Variants in HTR2C observed in about 807,000 individuals in gnomAD.
The protein encoded by HTR2C is 5-hydroxytryptamine (serotonin) receptor 2C, G protein-coupled.
In HTR2C, 5 loss-of-function variants were observed where a neutral mutation model predicts 21.0. The ratio of observed to expected loss-of-function variants is 0.24; its 90% CI spans 0.12 to 0.50. The LOEUF (loss-of-function observed/expected upper bound fraction) is 0.50, where lower values mean the gene tolerates loss of function less well. Ranked by LOEUF, HTR2C falls within the 20% of genes least tolerant of loss-of-function variation. The probability of loss-of-function intolerance (pLI) is 0.98; values close to 1 mark genes in which losing one functional copy is unlikely to be tolerated. For synonymous variants in HTR2C, 150 were observed against 145.3 expected, an observed-to-expected ratio of 1.03 and a Z score of -0.23; for missense variants, 271 against 371.2, an observed-to-expected ratio of 0.73 and a Z score of 2.22.
At chrX:114,606,475 G>A (rs1324742937) in intron 1 of HTR2C, among the ~76,000 whole-genome samples, 5 of 111,602 alleles carry the variant, frequency 4.5e-5, no homozygotes, top group Admixed American at 9.5e-5. Context: ...TTCCCAGTCC[G>A]TGACCGGCGC....
Position 114,907,134 on chromosome X carries a change from C to T in HTR2C, c.1096C>T (p.Leu366=). Residue 366 remains leucine (L), a synonymous_variant, in exon 6 of 6, where the codon CTG becomes TTG. Transcript: ENST00000276198. ...IGYVCSGINP[L]VYTLFNKIYR... ...CTATGTTTGTTCAGGAATCAATCCT[C>T]TGGTGTATACTCTGTTCAACAAAAT... 1 of 1,211,093 alleles carries T rather than the reference C, an allele frequency of 8.3e-7. No individual in the cohort carries two copies.
At chrX:114,840,034 A>G (rs1229638600) in intron 4 of HTR2C, among the ~76,000 whole-genome samples, 3 of 111,415 alleles carry the variant, frequency 2.7e-5, no homozygotes, top group East Asian at 2.8e-4. Context: ...TACTCTTTGG[A>G]GCAAAAGAAC....
At chrX:114,675,621 G>A (rs1267277315) in intron 2 of HTR2C, among the ~76,000 whole-genome samples, 1 of 111,432 alleles carries the variant, frequency 9.0e-6, no homozygotes, top group Admixed American at 9.6e-5. Context: ...GGCACCTTTG[G>A]CATTTACATT....
At chrX:114,775,576 A>G in intron 4 of HTR2C, 1 of 495,853 alleles carries the variant, frequency 2.0e-6, no homozygotes, top group Non-Finnish European at 3.8e-6. Flanking sequence ...CAAGTTCAAT[A>G]CCAAAGGAAA....
chrX:114,829,586 T>C (rs782668099), intron 4 of HTR2C, among the ~76,000 whole-genome samples: 1 of 111,751 alleles, frequency 8.9e-6, no homozygotes, highest in Non-Finnish European at 1.9e-5. Flanking sequence ...TGTGTCCTTT[T>C]CTAAGTGTTT....
intron 1 of HTR2C, among the ~76,000 whole-genome samples, chrX:114,605,238 T>C (rs1277843456): frequency 1.8e-5 from 2 of 112,406 alleles, no homozygotes; most frequent in Non-Finnish European, 1.9e-5. Flanking sequence ...GGAGGGCTAG[T>C]CATGGAACGA....
chrX:114,807,304 A>G (rs111221079), intron 4 of HTR2C, among the ~76,000 whole-genome samples: 3 of 75,670 alleles, frequency 4.0e-5, no homozygotes, highest in South Asian at 7.5e-4. Context: ...TACCATGTAT[A>G]TACACCATAT....
chrX:114,713,082 G>A (rs1383332452), intron 2 of HTR2C, among the ~76,000 whole-genome samples: 1 of 111,242 alleles, frequency 9.0e-6, no homozygotes, highest in Non-Finnish European at 1.9e-5. Context: ...CTCATTTGTA[G>A]TTATAAATTA....
intron 4 of HTR2C, among the ~76,000 whole-genome samples, chrX:114,809,980 T>C (rs1361336056): frequency 8.9e-6 from 1 of 111,733 alleles, no homozygotes; most frequent in Non-Finnish European, 1.9e-5. Context: ...AAAGGTTCTT[T>C]AGTCAGGAGG....
chrX:114,643,919 T>C (rs1930230627), intron 2 of HTR2C, among the ~76,000 whole-genome samples: 2 of 111,697 alleles, frequency 1.8e-5, no homozygotes, highest in Admixed American at 9.5e-5. Flanking sequence ...TCACTATAAA[T>C]GTGAATTCTA....
chrX:114,650,102 A>G (rs1300711140), intron 2 of HTR2C, among the ~76,000 whole-genome samples: 4 of 112,062 alleles, frequency 3.6e-5, no homozygotes, highest in Non-Finnish European at 7.5e-5. Flanking sequence ...CACAAAGTGG[A>G]TAGCATAAAT....
intron 4 of HTR2C, among the ~76,000 whole-genome samples, chrX:114,806,103 A>T (rs1425795648): frequency 2.0e-5 from 2 of 100,337 alleles, no homozygotes; most frequent in African/African-American, 7.1e-5. Context: ...TATATACACC[A>T]TATATACCAT....
intron 4 of HTR2C, chrX:114,775,141 T>G: frequency 1.9e-6 from 1 of 523,721 alleles, no homozygotes; most frequent in East Asian, 3.6e-5. Flanking sequence ...TGCATAGGAC[T>G]CAAGTGAATT....
At chrX:114,779,989 A>C (rs782021896) in intron 4 of HTR2C, among the ~76,000 whole-genome samples, 8 of 111,355 alleles carry the variant, frequency 7.2e-5, no homozygotes, top group Non-Finnish European at 1.3e-4. Flanking sequence ...CCATAGATCA[A>C]AAATATTTTA....
intron 2 of HTR2C, among the ~76,000 whole-genome samples, chrX:114,710,063 C>A (rs1400979000): frequency 2.7e-5 from 3 of 111,534 alleles, no homozygotes; most frequent in African/African-American, 9.8e-5. Flanking sequence ...TTGGCACTGA[C>A]AAAAATTAAC....
intron 4 of HTR2C, among the ~76,000 whole-genome samples, chrX:114,806,671 C>A (rs1556449991): frequency 1.0e-5 from 1 of 95,754 alleles, no homozygotes; most frequent in Non-Finnish European, 2.1e-5. Flanking sequence ...ACTATATATA[C>A]TATATATACA....
At chrX:114,844,085 A>C (rs1302737165) in intron 4 of HTR2C, among the ~76,000 whole-genome samples, 2 of 111,794 alleles carry the variant, frequency 1.8e-5, no homozygotes, top group Non-Finnish European at 3.8e-5. Context: ...AAGCAAATAT[A>C]AAATCCAGTG....
At chrX:114,895,347 G>A (rs192393332) in intron 5 of HTR2C, among the ~76,000 whole-genome samples, 124 of 111,545 alleles carry the variant, frequency 1.1e-3, no homozygotes, top group African/African-American at 3.8e-3. Context: ...TATCATAATT[G>A]ATCATAGTAT....
chrX:114,704,509 A>AT (rs1273093656), intron 2 of HTR2C, among the ~76,000 whole-genome samples: 9 of 111,468 alleles, frequency 8.1e-5, no homozygotes, highest in Middle Eastern at 4.2e-3. Flanking sequence ...AAATTCAACA[A>AT]CCTTCATGCT....
Sources: gnomAD v4.1 joint callset for allele counts (sites outside exome capture counted in the v4.1 genomes callset) on GRCh38, gnomAD v4.1.1 for gene constraint, MANE v1.5 for transcripts, NCBI Gene and HGNC (gene_info 2026-07-23, HGNC 2026-07-21) for gene names.